GRID1: variants seen among roughly 807,000 people sequenced by gnomAD.
The protein encoded by GRID1 is glutamate receptor ionotropic, delta-1.
A neutral mutation model predicts 98.0 loss-of-function variants in GRID1; 28 were observed. That is an observed-to-expected ratio of 0.29 (90% CI 0.21 to 0.39). The LOEUF (loss-of-function observed/expected upper bound fraction) is 0.39. Ranked by LOEUF, GRID1 falls within the 10% of genes least tolerant of loss-of-function variation. GRID1 has a pLI of 1.00. For missense variants in GRID1, 1,111 were observed against 1,340.5 expected, an observed-to-expected ratio of 0.83 and a Z score of 2.67; for synonymous variants, 553 against 538.5, an observed-to-expected ratio of 1.03 and a Z score of -0.37.
rs369976605 is a variant in GRID1 at position 86,301,169 on chromosome 10, G to A, written c.235+62772C>T. The stretch of plus-strand genomic sequence containing the variant: ...GGAGCAGAAAAGAGACAATGAGGCC[G>A]GCTCACCACGAGGACCAAGCCACAG... On this transcript the variant is annotated intron_variant, in intron 2 of 15. Transcript: ENST00000327946. Among the ~76,000 whole-genome samples the A allele has an allele frequency of 1.1e-4, 16 of 152,270 alleles. 1 individual carries two copies. The South Asian group carries it at 3.1e-3, about 30-fold the overall frequency.
rs544664631 is a variant in GRID1 at position 85,770,821 on chromosome 10, T to A, written c.1234-41207A>T. Among the ~76,000 whole-genome samples the A allele has an allele frequency of 3.3e-5, 5 of 152,238 alleles. No homozygotes were observed. In the East Asian group the frequency reaches 9.7e-4, roughly 29 times the overall value. ...ACAAAGCCTCCAAGAAATATGGGAC[T>A]ATGTGAAAAGACCAAATCTACGTCT... On this transcript the variant is annotated intron_variant, in intron 8 of 15. Coordinates refer to ENST00000327946, the MANE Select transcript of GRID1 (RefSeq NM_017551.3).
chr10:85,701,223 A>AGAC (rs1841447587), intron 12 of GRID1, among the ~76,000 whole-genome samples: 2 of 152,152 alleles, frequency 1.3e-5, no homozygotes, highest in Non-Finnish European at 2.9e-5. Context: ...ATTTCTTCTT[A>AGAC]TATTTACAGA....
intron 3 of GRID1, among the ~76,000 whole-genome samples, chr10:86,172,043 A>T (rs1170956174): frequency 6.6e-6 from 1 of 151,684 alleles, no homozygotes; most frequent in African/African-American, 2.4e-5. Context: ...TTAAGTGTAC[A>T]ATTGAATGGC....
intron 8 of GRID1, among the ~76,000 whole-genome samples, chr10:85,797,833 G>A (rs1256280885): frequency 6.6e-6 from 1 of 152,046 alleles, no homozygotes; most frequent in African/African-American, 2.4e-5. Context: ...TGCAGTATTT[G>A]GTTTTCTGTT....
chr10:85,858,331 C>A (rs1843133335), intron 6 of GRID1, among the ~76,000 whole-genome samples: 2 of 152,094 alleles, frequency 1.3e-5, no homozygotes, highest in Admixed American at 6.5e-5. Flanking sequence ...TCTTCAGGGG[C>A]CTGCAGCACA....
intron 2 of GRID1, among the ~76,000 whole-genome samples, chr10:86,356,045 G>A (rs1009154068): frequency 2.6e-5 from 4 of 152,238 alleles, no homozygotes; most frequent in African/African-American, 4.8e-5. Context: ...TTTACCTCAT[G>A]ACTAGCTCAA....
At chr10:85,730,648 C>A (rs1841812143) in intron 8 of GRID1, among the ~76,000 whole-genome samples, 1 of 152,128 alleles carries the variant, frequency 6.6e-6, no homozygotes. Flanking sequence ...CCCCCAGAGC[C>A]TCTTATTTAA....
intron 4 of GRID1, among the ~76,000 whole-genome samples, chr10:85,996,985 C>G (rs190764973): frequency 5.3e-5 from 8 of 152,100 alleles, no homozygotes; most frequent in Admixed American, 4.6e-4. Context: ...CAAGTTCAGA[C>G]AAATCACAAT....
chr10:85,794,290 T>C (rs1842506333), intron 8 of GRID1, among the ~76,000 whole-genome samples: 2 of 152,242 alleles, frequency 1.3e-5, no homozygotes, highest in Admixed American at 6.5e-5. Context: ...TAATCATTTA[T>C]ATGATTTATA....
intron 3 of GRID1, among the ~76,000 whole-genome samples, chr10:86,177,067 T>C (rs1845585449): frequency 6.6e-6 from 1 of 151,724 alleles, no homozygotes; most frequent in Admixed American, 6.6e-5. Flanking sequence ...TCTGGTGCCC[T>C]TCGCCCCCAC....
At chr10:85,914,024 G>A (rs1484934950) in intron 5 of GRID1, among the ~76,000 whole-genome samples, 2 of 152,162 alleles carry the variant, frequency 1.3e-5, no homozygotes, top group Admixed American at 1.3e-4. Context: ...CCGCTCCAGT[G>A]TGGCTCCAAC....
rs1389509782 is a variant in GRID1, at chr10:86,049,979, A to ATCTGATT, written c.726+88833_726+88839dup. Reference sequence around the variant, plus strand: ...TGTTAAACACCCACCAGAGAGCTCAATCTGATTTTCTGATCATCCATCTTT... The same window carrying ATCTGATT: ...TGTTAAACACCCACCAGAGAGCTCAATCTGATTTCTGATTTTCTGATCATCCATCTTT... On this transcript the variant is annotated intron_variant, in intron 4 of 15. Coordinates refer to ENST00000327946, the MANE Select transcript of GRID1 (RefSeq NM_017551.3). 5.9e-5 allele frequency among the ~76,000 whole-genome samples: 9 copies of ATCTGATT among 152,336 alleles called. No individual in the cohort carries two copies. The East Asian group carries it at 1.7e-3, about 29-fold the overall frequency.
At chr10:86,171,003 C>T (rs1307816768) in intron 3 of GRID1, among the ~76,000 whole-genome samples, 2 of 152,138 alleles carry the variant, frequency 1.3e-5, no homozygotes, top group African/African-American at 4.8e-5. Context: ...ACCCGTTCAG[C>T]GTGACTTCCT....
At chr10:85,833,582 T>C (rs1267237847) in intron 8 of GRID1, among the ~76,000 whole-genome samples, 4 of 149,362 alleles carry the variant, frequency 2.7e-5, no homozygotes, top group Admixed American at 6.6e-5. Flanking sequence ...AATATCACAA[T>C]GTTCAAGATA....
At chr10:85,748,303 C>A (rs149474600) in intron 8 of GRID1, among the ~76,000 whole-genome samples, 218 of 152,224 alleles carry the variant, frequency 1.4e-3, no homozygotes, top group African/African-American at 5.0e-3. Flanking sequence ...AAACCTGAGG[C>A]TCAAGGGTGA....
chr10:86,172,526 G>A (rs560915906), intron 3 of GRID1, among the ~76,000 whole-genome samples: 104 of 152,154 alleles, frequency 6.8e-4, no homozygotes, highest in African/African-American at 2.4e-3. Context: ...CCCTCCCACC[G>A]CAAAGTACTG....
chr10:85,607,742 T>C (rs972325502), intron 15 of GRID1, among the ~76,000 whole-genome samples: 1 of 151,370 alleles, frequency 6.6e-6, no homozygotes, highest in Non-Finnish European at 1.5e-5. Context: ...AATTCCACAG[T>C]AAGTGGAAGG....
At chr10:86,263,949 A>C (rs1209002276) in intron 2 of GRID1, among the ~76,000 whole-genome samples, 1 of 152,204 alleles carries the variant, frequency 6.6e-6, no homozygotes, top group African/African-American at 2.4e-5. Flanking sequence ...AGGAGCAAAC[A>C]GAAAGCCAGA....
At chr10:86,018,551 G>A (rs991116679) in intron 4 of GRID1, among the ~76,000 whole-genome samples, 5 of 152,172 alleles carry the variant, frequency 3.3e-5, no homozygotes, top group African/African-American at 9.7e-5. Context: ...CAGCTCCGAG[G>A]CCAAGAGCAA....
Sources: gnomAD v4.1 joint callset for allele counts (sites outside exome capture counted in the v4.1 genomes callset) on GRCh38, gnomAD v4.1.1 for gene constraint, MANE v1.5 for transcripts, NCBI Gene and HGNC (gene_info 2026-07-23, HGNC 2026-07-21) for gene names.